The following CNTN1 variants were observed in gnomAD, a reference collection of about 807,000 sequenced individuals.
CNTN1 encodes the protein contactin 1, also known as contactin-1.
Under a neutral mutation model 126.4 loss-of-function variants are expected in CNTN1, and 38 were observed. The ratio of observed to expected loss-of-function variants is 0.30; its 90% CI spans 0.23 to 0.39. The LOEUF is 0.39. Ranked by LOEUF, CNTN1 falls within the 10% of genes least tolerant of loss-of-function variation. The probability of loss-of-function intolerance (pLI) is 1.00; values close to 1 mark genes in which losing one functional copy is unlikely to be tolerated. For missense variants in CNTN1, 1,009 were observed against 1,248.4 expected (o/e 0.81, Z 2.89); for synonymous variants, 413 against 422.6 (o/e 0.98, Z 0.28).
chr12:40,937,694 A>G lies in CNTN1; in HGVS notation c.1228+7A>G. The G allele has an allele frequency of 2.7e-6, 4 of 1,459,988 alleles. No homozygotes were observed. The highest frequency in any genetic ancestry group is 1.7e-4 in the Middle Eastern group (1 of 5,764). The allele number at this position is 1,459,988 out of a possible 1,614,324, so 90.4% of individuals were successfully genotyped here. A position where few individuals can be genotyped will look rare whatever the true frequency, so the allele number is the denominator to read the frequency against. ...GCTGAGTTGAAGATCTTGGGTCAGT[A>G]TCATTTCTAATTTCTGTTAAACATT... On this transcript the variant is annotated splice_region_variant and intron_variant, in intron 11 of 23. Coordinates refer to ENST00000551295, the MANE Select transcript of CNTN1 (RefSeq NM_001843.4).
rs1294816514 is a variant in CNTN1, at chr12:40,929,937, T to C, written c.638T>C (p.Val213Ala). The part of the protein sequence containing the change: ...ASDKGNYSCF[V>A]SSPSITKSVF... Reference sequence around the variant, plus strand: ...GACAAAGGCAATTATTCCTGCTTTGTTTCCAGTCCTTCTATTACAAAGAGC... The same window carrying C: ...GACAAAGGCAATTATTCCTGCTTTGCTTCCAGTCCTTCTATTACAAAGAGC... The change falls in exon 7 of 24, where the codon GTT becomes GCT. Residue 213 changes from valine (V) to alanine (A), a missense_variant. Val to Ala is a moderately conservative substitution (Grantham distance 64, BLOSUM62 0). Coordinates refer to ENST00000551295, the MANE Select transcript of CNTN1 (RefSeq NM_001843.4). 1.2e-6 allele frequency: 2 copies of C among 1,612,880 alleles called. No homozygotes were observed. Among genetic ancestry groups the C allele is most frequent in the Non-Finnish European group, 1.7e-6 (2 of 1,179,196 alleles).
At chr12:40,914,068 A>G (rs1945143997) in intron 3 of CNTN1, among the ~76,000 whole-genome samples, 2 of 152,238 alleles carry the variant, frequency 1.3e-5, no homozygotes, top group Non-Finnish European at 2.9e-5. Context: ...GTATTAAAAA[A>G]TAATTTTAGT....
intron 1 of CNTN1, among the ~76,000 whole-genome samples, chr12:40,902,568 A>G (rs1944646311): frequency 6.6e-6 from 1 of 151,984 alleles, no homozygotes; most frequent in Non-Finnish European, 1.5e-5. Context: ...TTTGTACCTG[A>G]TGTGCCAAAA....
At chr12:40,842,169 C>T (rs115604117) in intron 1 of CNTN1, among the ~76,000 whole-genome samples, 65 of 152,026 alleles carry the variant, frequency 4.3e-4, no homozygotes, top group African/African-American at 1.5e-3. Context: ...TGAGGAAATA[C>T]GTACATTTTA....
intron 1 of CNTN1, among the ~76,000 whole-genome samples, chr12:40,904,272 C>G (rs1373457718): frequency 6.6e-6 from 1 of 152,064 alleles, no homozygotes; most frequent in Non-Finnish European, 1.5e-5. Context: ...TCCACCTTGG[C>G]CTCCCAAAGT....
At chr12:40,886,756 G>A (rs996702592) in intron 1 of CNTN1, among the ~76,000 whole-genome samples, 3 of 152,110 alleles carry the variant, frequency 2.0e-5, no homozygotes, top group African/African-American at 7.2e-5. Flanking sequence ...AAGGTGTAAG[G>A]AAGGGATCCA....
intron 1 of CNTN1, among the ~76,000 whole-genome samples, chr12:40,713,710 T>G (rs1316245985): frequency 6.6e-6 from 1 of 151,926 alleles, no homozygotes; most frequent in Non-Finnish European, 1.5e-5. Flanking sequence ...GAAAAGAAAG[T>G]CAGTATTTAG....
intron 1 of CNTN1, among the ~76,000 whole-genome samples, chr12:40,901,307 A>T (rs1450543025): frequency 3.9e-5 from 6 of 152,228 alleles, no homozygotes; most frequent in Non-Finnish European, 7.3e-5. Flanking sequence ...TTTATATTCA[A>T]AAATTAGCAT....
At chr12:41,004,015 G>GT (rs1443859776) in intron 17 of CNTN1, among the ~76,000 whole-genome samples, 2 of 152,118 alleles carry the variant, frequency 1.3e-5, no homozygotes, top group East Asian at 1.9e-4. Context: ...TTGTTCTCTA[G>GT]TTTTTTTAGT....
chr12:40,966,621 T>A (rs1009285220), intron 15 of CNTN1, among the ~76,000 whole-genome samples: 3 of 152,196 alleles, frequency 2.0e-5, no homozygotes, highest in African/African-American at 7.2e-5. Flanking sequence ...CTTTCCCAAT[T>A]ACTTCTGGAA....
At chr12:40,720,003 ATT>A (rs561694238) in intron 1 of CNTN1, among the ~76,000 whole-genome samples, 4,674 of 127,076 alleles carry the variant, frequency 0.037, 100 homozygotes, top group African/African-American at 0.1. Flanking sequence ...CGCCCGGTTA[ATT>A]TTTTTTTTTT....
chr12:40,707,342 G>A (rs1941794169), intron 1 of CNTN1, among the ~76,000 whole-genome samples: 1 of 146,224 alleles, frequency 6.8e-6, no homozygotes, highest in Admixed American at 7.0e-5. Context: ...TCCGCCTCCT[G>A]GGTTCGCGCC....
chr12:40,985,016 C>T (rs1947921956), intron 16 of CNTN1, among the ~76,000 whole-genome samples: 1 of 151,932 alleles, frequency 6.6e-6, no homozygotes, highest in South Asian at 2.1e-4. Flanking sequence ...ATTCAAATTG[C>T]TGTTTGGGAT....
intron 9 of CNTN1, among the ~76,000 whole-genome samples, chr12:40,935,214 G>A (rs1478482912): frequency 1.3e-5 from 2 of 151,996 alleles, no homozygotes. Flanking sequence ...TGCATGAAAT[G>A]GCCTCCTAAA....
rs1053227591 is a variant in CNTN1 at position 40,918,916 on chromosome 12, A to T, written c.227+145A>T. The stretch of plus-strand genomic sequence containing the variant: ...AAATATTGGCATACAAACTATTAAA[A>T]AAGTTGCCTAATGCTCAAATAGCAG... On this transcript the variant is annotated intron_variant, in intron 4 of 23. Transcript: ENST00000551295. 45 of 948,962 alleles carry T rather than the reference A, an allele frequency of 4.7e-5. No homozygotes were observed. The East Asian group carries it at 5.5e-4, about 12-fold the overall frequency. 58.8% of individuals were successfully genotyped at this position (948,962 alleles called of 1,614,324 possible).
chr12:40,913,999 A>G (rs1364969799), intron 3 of CNTN1, among the ~76,000 whole-genome samples: 2 of 152,224 alleles, frequency 1.3e-5, no homozygotes, highest in South Asian at 4.1e-4. Flanking sequence ...TTAGCTTGAG[A>G]GGTCATCTAT....
At chr12:40,766,382 GA>G (rs560821402) in intron 1 of CNTN1, among the ~76,000 whole-genome samples, 6 of 115,354 alleles carry the variant, frequency 5.2e-5, no homozygotes, top group Non-Finnish European at 1.1e-4. Flanking sequence ...AAGAAAGAAA[GA>G]AAAAGCATTC....
chr12:40,725,610 C>T, intron 1 of CNTN1, among the ~76,000 whole-genome samples: 1 of 152,026 alleles, frequency 6.6e-6, no homozygotes, highest in Admixed American at 6.6e-5. Flanking sequence ...GCCCCTACCC[C>T]TATCTCTTAG....
At chr12:40,698,191 T>C (rs1227577312) in intron 1 of CNTN1, among the ~76,000 whole-genome samples, 1 of 151,312 alleles carries the variant, frequency 6.6e-6, no homozygotes, top group Non-Finnish European at 1.5e-5. Context: ...CCTAGCTCAG[T>C]CAGTTACTAG....
Sources: gnomAD v4.1 joint callset for allele counts (sites outside exome capture counted in the v4.1 genomes callset) on GRCh38, gnomAD v4.1.1 for gene constraint, MANE v1.5 for transcripts, NCBI Gene and HGNC (gene_info 2026-07-23, HGNC 2026-07-21) for gene names.